The following ADH7 variants were observed in gnomAD, a reference collection of about 807,000 sequenced individuals.
The protein encoded by ADH7 is all-trans-retinol dehydrogenase [NAD(+)] ADH7.
Under a neutral mutation model 34.4 loss-of-function variants are expected in ADH7, and 41 were observed. The ratio of observed to expected loss-of-function variants is 1.19; its 90% CI spans 0.93 to 1.55. The LOEUF (loss-of-function observed/expected upper bound fraction) is 1.55. Ranked by LOEUF, ADH7 falls within the 40% of genes most tolerant of loss-of-function variation. ADH7 has a pLI of 0.00. For synonymous variants in ADH7, 180 were observed against 160.9 expected (o/e 1.12, Z -0.90); for missense variants, 540 against 461.2 (o/e 1.17, Z -1.56).
At chr4:99,416,141 A>AAAATT (rs1560559610) in intron 7 of ADH7, among the ~76,000 whole-genome samples, 1 of 152,154 alleles carries the variant, frequency 6.6e-6, no homozygotes, top group African/African-American at 2.4e-5. Context: ...AAGTAAAATA[A>AAAATT]AAATTAAATT....
At chr4:99,420,884 G>C (rs1172397446) in intron 5 of ADH7, 91 bp from the exon 6 acceptor site, 1 of 1,186,654 alleles carries the variant, frequency 8.4e-7, no homozygotes, top group African/African-American at 1.5e-5. Context: ...CAAATCATGA[G>C]TGAACTCCCA....
chr4:99,424,617 A>C (rs1161258365), intron 5 of ADH7, among the ~76,000 whole-genome samples: 1 of 152,114 alleles, frequency 6.6e-6, no homozygotes, highest in Non-Finnish European at 1.5e-5. Flanking sequence ...TTGGATTCCT[A>C]GGTGTTTCAT....
chr4:99,421,827 C>A (rs1721670862), intron 5 of ADH7, among the ~76,000 whole-genome samples: 1 of 152,096 alleles, frequency 6.6e-6, no homozygotes, highest in South Asian at 2.1e-4. Context: ...AGAACCCCAT[C>A]CAAAAGTGGT....
chr4:99,420,933 AC>A, intron 5 of ADH7, 140 bp from the exon 6 acceptor site: 3 of 759,774 alleles, frequency 3.9e-6, no homozygotes, highest in Non-Finnish European at 6.2e-6. Flanking sequence ...ATCTAGGAAT[AC>A]AACTTACAAG....
At position 99,429,708 on chromosome 4, in the gene ADH7, TG is replaced by T. The variant is rs1180174952; in HGVS notation, c.19-76del. On this transcript the variant is annotated intron_variant, in intron 1 of 8. Coordinates refer to ENST00000437033, the MANE Select transcript of ADH7 (RefSeq NM_000673.7). ...ACAGACTCCCTGACTAGTATAAATA[TG>T]AACAGAAGAGCATATATAATATTTT... The T allele has an allele frequency of 4.1e-6, 4 of 970,680 alleles. No individual in the cohort carries two copies. In the African/African-American group the frequency reaches 4.9e-5, roughly 12 times the overall value. The allele number at this position is 970,680 out of a possible 1,614,324, so 60.1% of individuals were successfully genotyped here.
Position 99,419,033 on chromosome 4 carries a change from G to T in ADH7, c.914C>A (p.Pro305Gln), listed in dbSNP as rs141729668. The change falls in exon 7 of 9, where the codon CCG becomes CAG. Residue 305 changes from proline to glutamine, a missense_variant. Physicochemically the swap from Pro to Gln is moderately conservative, Grantham distance 76 (BLOSUM62 -1). Transcript: ENST00000437033. ...PPSAKMLTYD[P>Q]MLLFTGRTWK... is the part of the protein sequence containing the mutation. The stretch of plus-strand genomic sequence containing the variant: ...TGTGCGTCCAGTGAAGAGCAACATC[G>T]GGTCATAGGTGAGCATCTTGGCTGA... 3.0e-4 allele frequency: 491 copies of T among 1,613,674 alleles called. No individual in the cohort carries two copies. The highest frequency in any genetic ancestry group is 3.8e-4 in the Non-Finnish European group (444 of 1,179,860).
intron 7 of ADH7, among the ~76,000 whole-genome samples, chr4:99,418,254 A>G (rs891044356): frequency 6.6e-6 from 1 of 152,126 alleles, no homozygotes; most frequent in Non-Finnish European, 1.5e-5. Context: ...CCTTCGCTAC[A>G]TTATGTACTT....
At chr4:99,423,124 G>A (rs1160036868) in intron 5 of ADH7, among the ~76,000 whole-genome samples, 6 of 148,324 alleles carry the variant, frequency 4.0e-5, no homozygotes, top group South Asian at 2.2e-4. Context: ...GAGAACATGC[G>A]GTGTTTGTTT....
chr4:99,417,800 T>C (rs950264108), intron 7 of ADH7, among the ~76,000 whole-genome samples: 9 of 152,208 alleles, frequency 5.9e-5, no homozygotes, highest in African/African-American at 2.2e-4. Context: ...CTGAATAATC[T>C]ATAATCTTCC....
In ADH7 at chr4:99,428,186, A is replaced by T; in HGVS notation, c.260-12T>A. On this transcript the variant is annotated splice_polypyrimidine_tract_variant and intron_variant, in intron 3 of 8. Coordinates refer to ENST00000437033, the MANE Select transcript of ADH7 (RefSeq NM_000673.7). ...GATGACTTTGTCACCTACAGGAAAA[A>T]AATCATGATATAAGATGCTGTTCAT... 2 of 1,603,494 alleles carry T rather than the reference A, an allele frequency of 1.2e-6. No homozygotes were observed. Among genetic ancestry groups the T allele is most frequent in the Non-Finnish European group, 1.7e-6 (2 of 1,170,498 alleles).
In ADH7 at chr4:99,420,806, A is replaced by C; in HGVS notation, c.565-13T>G. The C allele has an allele frequency of 6.2e-7, 1 of 1,613,186 alleles. No individual in the cohort carries two copies. The highest frequency in any genetic ancestry group is 1.3e-5 in the African/African-American group (1 of 75,032). ...AACCAGGTTTGACCTGTGGAGAGGA[A>C]TGTTCTTGAACATGTTAGGTGTTAG... On this transcript the variant is annotated splice_polypyrimidine_tract_variant and intron_variant, in intron 5 of 8. Coordinates refer to ENST00000437033, the MANE Select transcript of ADH7 (RefSeq NM_000673.7).
At chr4:99,418,838 A>C (rs1204576163) in intron 7 of ADH7, 148 bp downstream of exon 7, 1 of 938,736 alleles carries the variant, frequency 1.1e-6, no homozygotes, top group Admixed American at 3.0e-5. Context: ...GTGGAGAATT[A>C]TCTTTTGTGT....
chr4:99,426,238 A>C (rs965023397), intron 5 of ADH7, among the ~76,000 whole-genome samples: 2 of 151,984 alleles, frequency 1.3e-5, no homozygotes, highest in African/African-American at 4.8e-5. Flanking sequence ...ATAGAGACAC[A>C]AAAAACCCTT....
chr4:99,425,920 C>T (rs1476472934), intron 5 of ADH7, among the ~76,000 whole-genome samples: 1 of 152,096 alleles, frequency 6.6e-6, no homozygotes, highest in Non-Finnish European at 1.5e-5. Flanking sequence ...CAAAACCGCT[C>T]AACTACATGG....
chr4:99,421,070 C>T (rs1351491701), intron 5 of ADH7, among the ~76,000 whole-genome samples: 1 of 152,228 alleles, frequency 6.6e-6, no homozygotes, highest in African/African-American at 2.4e-5. Flanking sequence ...AATGGCCATA[C>T]TGCCCAAAGT....
intron 5 of ADH7, among the ~76,000 whole-genome samples, chr4:99,423,148 A>T (rs1268492530): frequency 6.7e-6 from 1 of 149,866 alleles, no homozygotes; most frequent in Non-Finnish European, 1.5e-5. Context: ...TGTCCTTGTG[A>T]TAGTTTGCTG....
At chr4:99,420,425 A>C in intron 6 of ADH7, 108 bp downstream of exon 6, 6 of 1,269,826 alleles carry the variant, frequency 4.7e-6, no homozygotes, top group Middle Eastern at 2.3e-4. Context: ...TGACTATCGC[A>C]GAGATATTTC....
rs935015502 is a variant in ADH7, at chr4:99,415,570, C to G, written c.1008G>C (p.Leu336=). The G allele has an allele frequency of 6.2e-7, 1 of 1,613,488 alleles. No individual in the cohort carries two copies. ...DDVPKLVTEF[L]AKKFDLDQLI... is the part of the protein sequence containing the mutation. ...ACTGGTCCAGGTCAAATTTCTTTGC[C>G]AGGAACTCAGTCACTAGTTTTGGGA... The change falls in exon 8 of 9, where the codon CTG becomes CTC. Residue 336 remains leucine (L), a synonymous_variant. Transcript: ENST00000437033.
chr4:99,415,372 T>C (rs754739162), intron 8 of ADH7, 106 bp downstream of exon 8: 4 of 1,214,816 alleles, frequency 3.3e-6, no homozygotes, highest in African/African-American at 1.5e-5. Context: ...TCTGGCTAGA[T>C]TAAATAATTA....
Sources: gnomAD v4.1 joint callset for allele counts (sites outside exome capture counted in the v4.1 genomes callset) on GRCh38, gnomAD v4.1.1 for gene constraint, MANE v1.5 for transcripts, NCBI Gene and HGNC (gene_info 2026-07-23, HGNC 2026-07-21) for gene names.